The following PRKCA variants were observed in gnomAD, a reference collection of about 807,000 sequenced individuals.
PRKCA encodes the protein protein kinase C alpha type.
Under a neutral mutation model 87.0 loss-of-function variants are expected in PRKCA, and 27 were observed. That is an observed-to-expected ratio of 0.31 (90% CI 0.23 to 0.43). PRKCA has a LOEUF of 0.43. Ranked by LOEUF, PRKCA falls within the 20% of genes least tolerant of loss-of-function variation. The pLI is 1.00. For synonymous variants in PRKCA, 329 were observed against 311.1 expected, an observed-to-expected ratio of 1.06 and a Z score of -0.61; for missense variants, 518 against 852.3, an observed-to-expected ratio of 0.61 and a Z score of 4.88.
At chr17:66,342,257 A>G (rs1217095210) in intron 2 of PRKCA, among the ~76,000 whole-genome samples, 1 of 152,030 alleles carries the variant, frequency 6.6e-6, no homozygotes, top group Non-Finnish European at 1.5e-5. Context: ...CCCCGTCTCT[A>G]CTAAAAATAC....
At chr17:66,704,593 T>C (rs1324987546) in intron 8 of PRKCA, among the ~76,000 whole-genome samples, 1 of 152,254 alleles carries the variant, frequency 6.6e-6, no homozygotes, top group African/African-American at 2.4e-5. Context: ...TATATGAAGA[T>C]ATAAGCCAAA....
intron 2 of PRKCA, among the ~76,000 whole-genome samples, chr17:66,315,740 A>G (rs1471400887): frequency 2.0e-5 from 3 of 152,120 alleles, no homozygotes; most frequent in Non-Finnish European, 4.4e-5. Context: ...TCGGCCTCCC[A>G]AAGTGCTGGG....
chr17:66,425,917 G>A (rs1039475275), intron 2 of PRKCA, among the ~76,000 whole-genome samples: 7 of 152,064 alleles, frequency 4.6e-5, no homozygotes, highest in African/African-American at 7.2e-5. Flanking sequence ...CACATATTTC[G>A]TCCTGGTAGT....
chr17:66,558,669 TAGG>T (rs964611233), intron 3 of PRKCA, among the ~76,000 whole-genome samples: 1 of 151,904 alleles, frequency 6.6e-6, no homozygotes, highest in Non-Finnish European at 1.5e-5. Context: ...GACTACTGCC[TAGG>T]AGGAGTGGAG....
At chr17:66,359,998 C>T (rs1908294646) in intron 2 of PRKCA, among the ~76,000 whole-genome samples, 1 of 152,084 alleles carries the variant, frequency 6.6e-6, no homozygotes, top group Non-Finnish European at 1.5e-5. Context: ...ATTCTCAAGG[C>T]CAAAATTATA....
At chr17:66,368,119 A>G (rs1369697993) in intron 2 of PRKCA, among the ~76,000 whole-genome samples, 1 of 152,022 alleles carries the variant, frequency 6.6e-6, no homozygotes, top group East Asian at 1.9e-4. Flanking sequence ...CTACCAGAAC[A>G]TCTGTGTAAG....
intron 5 of PRKCA, among the ~76,000 whole-genome samples, chr17:66,665,420 A>G (rs1226611992): frequency 3.9e-5 from 6 of 152,180 alleles, no homozygotes; most frequent in Non-Finnish European, 7.4e-5. Context: ...ATTCAGAACC[A>G]TCCTCCCAAC....
At chr17:66,755,955 T>G (rs1021232480) in intron 13 of PRKCA, among the ~76,000 whole-genome samples, 1 of 152,058 alleles carries the variant, frequency 6.6e-6, no homozygotes, top group Non-Finnish European at 1.5e-5. Context: ...ATACAGATAA[T>G]TACAACTTAC....
chr17:66,309,513 C>T (rs1307607688), intron 2 of PRKCA, among the ~76,000 whole-genome samples: 1 of 152,170 alleles, frequency 6.6e-6, no homozygotes, highest in African/African-American at 2.4e-5. Flanking sequence ...GCAAGTAACA[C>T]AGGATCCCGT....
intron 8 of PRKCA, among the ~76,000 whole-genome samples, chr17:66,713,049 C>CTTTTTTTTTTTTTTTTT (rs564655403): frequency 9.6e-6 from 1 of 104,432 alleles, no homozygotes; most frequent in African/African-American, 3.8e-5. Context: ...CTTTGTTGTC[C>CTTTTTTTTTTTTTTTTT]TTTTTTTTTT....
intron 8 of PRKCA, among the ~76,000 whole-genome samples, chr17:66,720,034 G>A (rs574181898): frequency 1.1e-4 from 16 of 152,320 alleles, no homozygotes; most frequent in Admixed American, 2.6e-4. Context: ...GAGCTGTGCC[G>A]GGGAACAAAA....
intron 2 of PRKCA, among the ~76,000 whole-genome samples, chr17:66,465,562 A>ATT (rs113385632): frequency 0.064 from 9,177 of 143,896 alleles, 956 homozygotes; most frequent in African/African-American, 0.22. Flanking sequence ...TGGCTAGTTA[A>ATT]TTTTTTTTTT....
At chr17:66,437,778 C>CA (rs1430160247) in intron 2 of PRKCA, among the ~76,000 whole-genome samples, 1 of 137,220 alleles carries the variant, frequency 7.3e-6, no homozygotes, top group African/African-American at 2.7e-5. Context: ...TGGAGATTAG[C>CA]AAAAATGAGT....
intron 2 of PRKCA, among the ~76,000 whole-genome samples, chr17:66,441,420 G>C: frequency 1.2e-5 from 1 of 84,062 alleles, no homozygotes. Context: ...GAGGGAGATC[G>C]TGGATCCCTG....
At chr17:66,391,400 C>T (rs1452054779) in intron 2 of PRKCA, among the ~76,000 whole-genome samples, 1 of 152,210 alleles carries the variant, frequency 6.6e-6, no homozygotes, top group Admixed American at 6.5e-5. Flanking sequence ...AGCTCCTCCT[C>T]ACCTCCCATC....
At chr17:66,355,993 G>A (rs572610487) in intron 2 of PRKCA, among the ~76,000 whole-genome samples, 67 of 152,228 alleles carry the variant, frequency 4.4e-4, no homozygotes, top group Non-Finnish European at 8.2e-4. Flanking sequence ...CCGCCTCCTG[G>A]GTTCAAGTGA....
At chr17:66,306,251 T>G (rs1904808379) in intron 2 of PRKCA, 124 bp downstream of exon 2, 1 of 1,059,328 alleles carries the variant, frequency 9.4e-7, no homozygotes, top group Non-Finnish European at 1.4e-6. Flanking sequence ...TTTTGAAATA[T>G]GAGGGCTGTA....
At chr17:66,567,222 C>G (rs1968930240) in intron 3 of PRKCA, among the ~76,000 whole-genome samples, 1 of 152,122 alleles carries the variant, frequency 6.6e-6, no homozygotes, top group Non-Finnish European at 1.5e-5. Flanking sequence ...ATTAATTTCT[C>G]TAAGTATGAA....
chr17:66,588,547 T>G (rs192046456), intron 3 of PRKCA, among the ~76,000 whole-genome samples: 115 of 152,124 alleles, frequency 7.6e-4, no homozygotes, highest in African/African-American at 2.6e-3. Flanking sequence ...GGTGGTGTGT[T>G]AAACTAATGA....
Sources: allele counts gnomAD v4.1 joint callset (sites outside exome capture counted in the v4.1 genomes callset), GRCh38; gene constraint gnomAD v4.1.1; transcripts MANE v1.5; gene names NCBI Gene and HGNC (gene_info 2026-07-23, HGNC 2026-07-21).